ITGA9: variants seen among roughly 807,000 people sequenced by gnomAD.
ITGA9 encodes the protein integrin subunit alpha 9.
A neutral mutation model predicts 127.8 loss-of-function variants in ITGA9; 56 were observed. The observed-to-expected ratio is 0.44, with a 90% CI of 0.35 to 0.55. The LOEUF is 0.55. Among genes scored for constraint, ITGA9 ranks in the 20% least tolerant of loss-of-function variants. The pLI, the probability that ITGA9 is intolerant of heterozygous loss-of-function variation, is 0.00. For missense variants in ITGA9, 1,196 were observed against 1,347.1 expected (o/e 0.89, Z 1.76); for synonymous variants, 508 against 514.5 (o/e 0.99, Z 0.17).
chr3:37,807,226 A>G (rs1697309757), intron 27 of ITGA9: 1 of 152,242 alleles, frequency 6.6e-6, no homozygotes, highest in Non-Finnish European at 1.5e-5. Context: ...CTTCCTCTGT[A>G]AAAAGGAGAC....
intron 9 of ITGA9, among the ~76,000 whole-genome samples, chr3:37,517,022 A>C (rs2125578959): frequency 6.6e-6 from 1 of 152,356 alleles, no homozygotes; most frequent in Non-Finnish European, 1.5e-5. Flanking sequence ...TTTCTGAACC[A>C]TGACTCCCTC....
chr3:37,605,303 G>T (rs1699958027), intron 15 of ITGA9, among the ~76,000 whole-genome samples: 1 of 152,184 alleles, frequency 6.6e-6, no homozygotes, highest in South Asian at 2.1e-4. Context: ...GGCCTGGTGG[G>T]CCATGCTCAG....
chr3:37,735,121 TCA>T (rs1450283147), intron 19 of ITGA9, among the ~76,000 whole-genome samples: 1 of 152,238 alleles, frequency 6.6e-6, no homozygotes, highest in African/African-American at 2.4e-5. Flanking sequence ...TTTCTCTCTC[TCA>T]CAGCCTGCCC....
chr3:37,510,861 A>C (rs751525281), intron 8 of ITGA9, among the ~76,000 whole-genome samples: 1 of 151,954 alleles, frequency 6.6e-6, no homozygotes, highest in Non-Finnish European at 1.5e-5. Flanking sequence ...ACTTCCTTCT[A>C]CTAGTGTCTC....
intron 23 of ITGA9, among the ~76,000 whole-genome samples, chr3:37,761,876 TC>T (rs1281550180): frequency 1.3e-5 from 2 of 152,210 alleles, no homozygotes; most frequent in Non-Finnish European, 2.9e-5. Flanking sequence ...CCATGGCAAC[TC>T]CTAGAAGTTA....
chr3:37,545,524 C>G (rs575040314), intron 15 of ITGA9, among the ~76,000 whole-genome samples: 176 of 152,266 alleles, frequency 1.2e-3, no homozygotes, highest in African/African-American at 4.0e-3. Context: ...AGGGCACCTC[C>G]GGAGGGTATA....
At chr3:37,768,634 G>GA (rs1409131450) in intron 23 of ITGA9, among the ~76,000 whole-genome samples, 2 of 152,152 alleles carry the variant, frequency 1.3e-5, no homozygotes, top group Admixed American at 1.3e-4. Context: ...ATATGATATG[G>GA]AAAAGTGGCC....
intron 1 of ITGA9, among the ~76,000 whole-genome samples, chr3:37,470,248 TG>T (rs1698415006): frequency 6.6e-6 from 1 of 151,808 alleles, no homozygotes; most frequent in Non-Finnish European, 1.5e-5. Context: ...ATGGAATTAC[TG>T]GGTCAAAGGG....
intron 15 of ITGA9, among the ~76,000 whole-genome samples, chr3:37,589,694 T>C (rs545945743): frequency 6.6e-6 from 1 of 152,126 alleles, no homozygotes; most frequent in Admixed American, 6.5e-5. Flanking sequence ...AAACAGCCGG[T>C]GCAAAGGCCC....
intron 22 of ITGA9, chr3:37,748,268 C>T (rs1292618451): frequency 1.4e-5 from 7 of 504,350 alleles, no homozygotes; most frequent in Non-Finnish European, 2.3e-5. Flanking sequence ...AAAGGAAGGC[C>T]CCGCAAGTAT....
At position 37,744,021 on chromosome 3, in the gene ITGA9, A is replaced by G. The variant is rs1322988582; in HGVS notation, c.2420A>G (p.Asn807Ser). 1.2e-6 allele frequency: 2 copies of G among 1,612,752 alleles called. No homozygotes were observed. Among genetic ancestry groups the G allele is most frequent in the African/African-American group, 1.3e-5 (1 of 74,888 alleles). Reference sequence around the variant, plus strand: ...CTGGAGTGTCACTTTCAGCCCATCAATATCACCCTTCAGGTACCCACTCCT... The same window carrying G: ...CTGGAGTGTCACTTTCAGCCCATCAGTATCACCCTTCAGGTACCCACTCCT... Reference protein sequence around the residue: ...DDLECHFQPINITLQVYNTGP... With the variant: ...DDLECHFQPISITLQVYNTGP... The change falls in exon 22 of 28, where the codon AAT (asparagine) becomes AGT (serine). Residue 807 changes from asparagine to serine, a missense_variant. By Grantham distance (46) the Asn-to-Ser change is conservative (BLOSUM62 1). Coordinates refer to ENST00000264741, the MANE Select transcript of ITGA9 (RefSeq NM_002207.3).
chr3:37,733,911 C>A (rs936304506), intron 19 of ITGA9, among the ~76,000 whole-genome samples: 1 of 152,214 alleles, frequency 6.6e-6, no homozygotes, highest in African/African-American at 2.4e-5. Context: ...CATGAACCAC[C>A]TAAAATAATC....
chr3:37,718,165 A>G (rs1701154023), intron 18 of ITGA9, among the ~76,000 whole-genome samples: 1 of 152,262 alleles, frequency 6.6e-6, no homozygotes, highest in Non-Finnish European at 1.5e-5. Context: ...AAATGAGAGC[A>G]TGAACAAAGG....
intron 1 of ITGA9, among the ~76,000 whole-genome samples, chr3:37,468,638 A>G (rs900804794): frequency 1.3e-5 from 2 of 152,158 alleles, no homozygotes; most frequent in African/African-American, 2.4e-5. Flanking sequence ...AGATCCCAAG[A>G]TGAAGGTGGC....
At chr3:37,692,587 G>A (rs1218395074) in intron 18 of ITGA9, among the ~76,000 whole-genome samples, 2 of 151,742 alleles carry the variant, frequency 1.3e-5, no homozygotes, top group African/African-American at 4.8e-5. Context: ...TGTCTGTGTT[G>A]GCTTTTGTGA....
rs574090629 is a variant in ITGA9, at chr3:37,625,319, T to C, written c.1690-3868T>C. On this transcript the variant is annotated intron_variant, in intron 15 of 27. Transcript: ENST00000264741. ...CTCATTATTCCCTGAAGGTCTTTCA[T>C]CTCTGTTTCCCTGTGGCCCAGCACA... is the stretch of plus-strand genomic sequence containing the variant. Among the ~76,000 whole-genome samples the C allele has an allele frequency of 3.3e-5, 5 of 152,294 alleles. 1 individual carries two copies. In the East Asian group the frequency reaches 9.7e-4, roughly 29 times the overall value.
chr3:37,737,104 G>A (rs887723533), intron 20 of ITGA9, 121 bp downstream of exon 20: 6 of 763,634 alleles, frequency 7.9e-6, no homozygotes, highest in Non-Finnish European at 1.4e-5. Flanking sequence ...TGGTTACTCA[G>A]TGATAAAGCC....
At chr3:37,567,937 AG>A in intron 15 of ITGA9, among the ~76,000 whole-genome samples, 1 of 152,074 alleles carries the variant, frequency 6.6e-6, no homozygotes. Flanking sequence ...CTACCATTCT[AG>A]GGTCTGGAGG....
intron 14 of ITGA9, 47 bp downstream of exon 14, chr3:37,533,515 TG>T (rs1437621877): frequency 2.7e-5 from 43 of 1,588,664 alleles, no homozygotes; most frequent in Non-Finnish European, 3.6e-5. Flanking sequence ...TTAGCTGGAG[TG>T]GGCTAGTGGG....
Sources: allele counts gnomAD v4.1 joint callset (sites outside exome capture counted in the v4.1 genomes callset), GRCh38; gene constraint gnomAD v4.1.1; transcripts MANE v1.5; gene names NCBI Gene and HGNC (gene_info 2026-07-23, HGNC 2026-07-21).